LDHAL6A: variants seen among roughly 807,000 people sequenced by gnomAD.
The protein encoded by LDHAL6A is lactate dehydrogenase A like 6A, also known as L-lactate dehydrogenase A-like 6A.
LDHAL6A carries 19 observed loss-of-function variants against 28.2 expected under a neutral mutation model. The observed-to-expected ratio is 0.67, with a 90% CI of 0.47 to 0.99. LDHAL6A has a LOEUF of 0.99. Ranked by LOEUF, LDHAL6A falls within the 50% of genes least tolerant of loss-of-function variation. The pLI is 0.00. For synonymous variants in LDHAL6A, 144 were observed against 134.4 expected (o/e 1.07, Z -0.49); for missense variants, 372 against 398.6 (o/e 0.93, Z 0.57).
At chr11:18,465,272 G>A (rs960417735) in intron 2 of LDHAL6A, among the ~76,000 whole-genome samples, 31 of 151,948 alleles carry the variant, frequency 2.0e-4, no homozygotes, top group Admixed American at 1.1e-3. Flanking sequence ...ACAGGCATCC[G>A]CCACTGTGCC....
intron 3 of LDHAL6A, among the ~76,000 whole-genome samples, chr11:18,468,062 C>CACAT (rs567712481): frequency 1.3e-4 from 4 of 30,828 alleles, no homozygotes; most frequent in African/African-American, 4.0e-4. Context: ...TATATATATA[C>CACAT]ATATATATAT....
At chr11:18,467,863 ATATATATATATACACACATAT>A (rs1849111245) in intron 3 of LDHAL6A, among the ~76,000 whole-genome samples, 1 of 29,370 alleles carries the variant, frequency 3.4e-5, no homozygotes, top group Non-Finnish European at 5.6e-5. Flanking sequence ...CTCAAAAAAA[ATATATATATATACACACATAT>A]ATATATATAT....
chr11:18,477,648 T>G lies in LDHAL6A; in HGVS notation c.739T>G (p.Tyr247Asp). ...CTATGAGATGGTCAAAATGAAAGGTTATACTTCTTGGGGCATTAGCCTATC... is the reference window on the plus strand; with the variant it reads ...CTATGAGATGGTCAAAATGAAAGGTGATACTTCTTGGGGCATTAGCCTATC... ...SGYEMVKMKG[Y>D]TSWGISLSVA... Residue 247 changes from tyrosine (Y) to aspartate (D), a missense_variant, in exon 6 of 7, where the codon TAT becomes GAT. Around this residue, in one of 3 missense-constraint regions of LDHAL6A, gnomAD observed 291 missense variants for 302.9 expected, o/e 0.96. Coordinates refer to ENST00000280706, the MANE Select transcript of LDHAL6A (RefSeq NM_144972.5). The G allele has an allele frequency of 3.7e-6, 6 of 1,612,548 alleles. No individual in the cohort carries two copies. The highest frequency in any genetic ancestry group is 5.1e-6 in the Non-Finnish European group (6 of 1,179,636).
chr11:18,464,032 A>G lies in LDHAL6A; in HGVS notation c.198A>G (p.Gln66=), dbSNP rs896092530. 2 of 1,614,086 alleles carry G rather than the reference A, an allele frequency of 1.2e-6. No homozygotes were observed. The highest frequency in any genetic ancestry group is 1.7e-6 in the Non-Finnish European group (2 of 1,179,916). Residue 66 remains glutamine, a synonymous_variant, in exon 2 of 7, where the codon CAA becomes CAG. Coordinates refer to ENST00000280706, the MANE Select transcript of LDHAL6A (RefSeq NM_144972.5). ...TGAAGGGTGAGACAATGGATCTTCA[A>G]CATGGCAGCCCTTTTATGAAAATGC... ...GKLKGETMDL[Q]HGSPFMKMPN...
In LDHAL6A at chr11:18,467,926, CATATAT is replaced by C. The variant is rs1292809923; in HGVS notation, c.418+2122_418+2127del. On this transcript the variant is annotated intron_variant, in intron 3 of 6. Transcript: ENST00000280706. ...ATATATATATATATATATACACACA[CATATAT>C]ATATACACACACATATATATATACG... is the stretch of plus-strand genomic sequence containing the variant. 1.9e-3 allele frequency among the ~76,000 whole-genome samples: 107 copies of C among 55,424 alleles called. 3 individuals are homozygous for C. The highest frequency in any genetic ancestry group is 0.015 in the East Asian group (20 of 1,326). The allele number at this position is 55,424 out of a possible 152,430, so 36.4% of individuals were successfully genotyped here.
chr11:18,475,262 G>A (rs1849343269), intron 3 of LDHAL6A: 1 of 483,064 alleles, frequency 2.1e-6, no homozygotes, highest in Non-Finnish European at 3.7e-6. Context: ...ATACCAAGCT[G>A]TGCAAAGTAT....
chr11:18,464,982 T>TTTTG (rs1554967034), intron 2 of LDHAL6A, among the ~76,000 whole-genome samples: 58 of 136,910 alleles, frequency 4.2e-4, no homozygotes, highest in African/African-American at 7.9e-4. Flanking sequence ...TTTTTGTTTT[T>TTTTG]TTTTGTTTTG....
intron 2 of LDHAL6A, 104 bp downstream of exon 2, chr11:18,464,182 G>C (rs1489228696): frequency 3.9e-6 from 3 of 776,702 alleles, no homozygotes; most frequent in Non-Finnish European, 6.5e-6. Flanking sequence ...TATAGATAAG[G>C]CTGGTTGCTC....
intron 3 of LDHAL6A, chr11:18,469,182 CT>C: frequency 1.6e-6 from 1 of 637,994 alleles, no homozygotes; most frequent in Non-Finnish European, 2.8e-6. Flanking sequence ...GGTGGAGCTC[CT>C]TCATTAATTT....
At chr11:18,467,926 C>CATATAT (rs1292809923) in intron 3 of LDHAL6A, among the ~76,000 whole-genome samples, 2 of 55,458 alleles carry the variant, frequency 3.6e-5, no homozygotes, top group African/African-American at 1.9e-4. Flanking sequence ...TATACACACA[C>CATATAT]ATATATATAT....
chr11:18,471,227 T>TGA lies in LDHAL6A; in HGVS notation c.419-4233_419-4232dup, dbSNP rs1554967864. 5.0e-3 allele frequency among the ~76,000 whole-genome samples: 739 copies of TGA among 146,730 alleles called. 10 individuals carry two copies. Among genetic ancestry groups the TGA allele is most frequent in the African/African-American group, 0.017 (701 of 40,480 alleles). On this transcript the variant is annotated intron_variant, in intron 3 of 6. Transcript: ENST00000280706. ...CTTTAGAAGTTTTTTTTTTTTTTTT[T>TGA]GAGAGAGGGTTTTGCTCTGTTGCTC... is the stretch of plus-strand genomic sequence containing the variant.
chr11:18,469,231 T>C lies in LDHAL6A; in HGVS notation c.418+3421T>C, dbSNP rs147063458. On this transcript the variant is annotated intron_variant, in intron 3 of 6. Coordinates refer to ENST00000280706, the MANE Select transcript of LDHAL6A (RefSeq NM_144972.5). ...AGGGCACTGAAGTCTGTGGGGACAGTAAGTTCACATTTACTGTTTGTGTTA... is the reference window on the plus strand; with the variant it reads ...AGGGCACTGAAGTCTGTGGGGACAGCAAGTTCACATTTACTGTTTGTGTTA... 1.1e-3 allele frequency: 706 copies of C among 624,386 alleles called. 2 individuals are homozygous for C. The East Asian group carries it at 0.011, about 10-fold the overall frequency. 38.7% of individuals were successfully genotyped at this position (624,386 alleles called of 1,614,324 possible).
At position 18,477,739 on chromosome 11, in the gene LDHAL6A, G is replaced by GT. The variant is rs1441282082; in HGVS notation, c.831dup (p.Lys278Ter). The GT allele has an allele frequency of 6.2e-7, 1 of 1,601,810 alleles. No individual in the cohort carries two copies. Among genetic ancestry groups the GT allele is most frequent in the Non-Finnish European group, 8.5e-7 (1 of 1,176,250 alleles). ...AGAGTGCATCCAGTTTCTACCCTAA[G>GT]TAAGGTAGGACATTCATGTTCGAAA... On this transcript the variant is annotated frameshift_variant, in exon 6 of 7. Transcript: ENST00000280706. LOFTEE classifies it low-confidence loss of function (END_TRUNC).
chr11:18,465,575 A>C (rs545425448), intron 2 of LDHAL6A, 62 bp from the exon 3 acceptor site: 1 of 1,378,678 alleles, frequency 7.3e-7, no homozygotes, highest in East Asian at 2.3e-5. Context: ...GTGAACAGGA[A>C]GTATACTTAA....
chr11:18,477,980 T>C (rs1429893740), intron 6 of LDHAL6A, among the ~76,000 whole-genome samples: 1 of 152,222 alleles, frequency 6.6e-6, no homozygotes, highest in African/African-American at 2.4e-5. Context: ...TTGGCATCTT[T>C]ATTATTTAAC....
intron 1 of LDHAL6A, among the ~76,000 whole-genome samples, chr11:18,459,476 C>A (rs1198667217): frequency 6.6e-6 from 1 of 152,162 alleles, no homozygotes; most frequent in Admixed American, 6.6e-5. Flanking sequence ...GACTGGCTTC[C>A]TTGCTCCTCG....
At chr11:18,467,003 G>A (rs571410892) in intron 3 of LDHAL6A, among the ~76,000 whole-genome samples, 10 of 152,296 alleles carry the variant, frequency 6.6e-5, no homozygotes, top group Middle Eastern at 3.4e-3. Context: ...TTTACTGATC[G>A]GGTGGGAGTC....
chr11:18,468,062 CATAT>C (rs148813517), intron 3 of LDHAL6A, among the ~76,000 whole-genome samples: 14 of 30,854 alleles, frequency 4.5e-4, no homozygotes, highest in African/African-American at 1.2e-3. Flanking sequence ...TATATATATA[CATAT>C]ATATATATAT....
chr11:18,477,602 G>A lies in LDHAL6A; in HGVS notation c.711-18G>A, dbSNP rs376642501. ...CAAGTGCATCTTAACTTATGTTTAT[G>A]GTTTCTTCTATCTACAGTGGCTATG... On this transcript the variant is annotated intron_variant, in intron 5 of 6. Transcript: ENST00000280706. 3.0e-5 allele frequency: 48 copies of A among 1,582,340 alleles called. No individual in the cohort carries two copies. Among genetic ancestry groups the A allele is most frequent in the Non-Finnish European group, 3.5e-5 (41 of 1,168,872 alleles).
Sources: allele counts gnomAD v4.1 joint callset (sites outside exome capture counted in the v4.1 genomes callset), GRCh38; gene constraint gnomAD v4.1.1; regional missense constraint gnomAD v4.1.1; transcripts MANE v1.5; gene names NCBI Gene and HGNC (gene_info 2026-07-23, HGNC 2026-07-21).